The following MAST4 variants were observed in gnomAD, a reference collection of about 807,000 sequenced individuals.
MAST4 encodes microtubule associated serine/threonine kinase family member 4.
A neutral mutation model predicts 162.7 loss-of-function variants in MAST4; 89 were observed. The observed-to-expected ratio is 0.55, with a 90% CI of 0.46 to 0.65. The LOEUF (loss-of-function observed/expected upper bound fraction) is 0.65. MAST4 is among the 30% of genes least tolerant of loss of function. The pLI is 0.00. For missense variants in MAST4, 3,153 were observed against 3,374.0 expected, an observed-to-expected ratio of 0.93 and a Z score of 1.62; for synonymous variants, 1,479 against 1,361.1, an observed-to-expected ratio of 1.09 and a Z score of -1.91.
intron 4 of MAST4, among the ~76,000 whole-genome samples, chr5:66,939,875 A>T (rs1441725759): frequency 1.3e-5 from 2 of 152,022 alleles, no homozygotes; most frequent in African/African-American, 4.8e-5. Flanking sequence ...ACTGTAGTCT[A>T]TTAAGTGTGC....
chr5:67,026,699 A>C (rs1428469173), intron 4 of MAST4, among the ~76,000 whole-genome samples: 1 of 152,192 alleles, frequency 6.6e-6, no homozygotes, highest in Non-Finnish European at 1.5e-5. Flanking sequence ...GCTAATCAGC[A>C]TGAGACAGAA....
chr5:66,978,439 A>G (rs1748399193), intron 4 of MAST4, among the ~76,000 whole-genome samples: 1 of 152,208 alleles, frequency 6.6e-6, no homozygotes, highest in African/African-American at 2.4e-5. Flanking sequence ...TTGCTGTACT[A>G]ATGCTGTGGG....
chr5:66,824,421 C>T (rs1393762987), intron 3 of MAST4, among the ~76,000 whole-genome samples: 7 of 152,182 alleles, frequency 4.6e-5, no homozygotes, highest in African/African-American at 1.7e-4. Context: ...CACTGCCCTC[C>T]GACTTCAGCT....
intron 4 of MAST4, among the ~76,000 whole-genome samples, chr5:67,045,666 T>C (rs1757277686): frequency 6.6e-6 from 1 of 152,204 alleles, no homozygotes; most frequent in Non-Finnish European, 1.5e-5. Context: ...AGAGTTTCAT[T>C]GGGGCTAAGT....
chr5:67,105,320 T>C (rs953362179), intron 10 of MAST4, among the ~76,000 whole-genome samples: 3 of 152,364 alleles, frequency 2.0e-5, no homozygotes, highest in East Asian at 1.9e-4. Flanking sequence ...TAATTATAGA[T>C]AGTTTTCTCT....
intron 1 of MAST4, among the ~76,000 whole-genome samples, chr5:66,653,341 C>G (rs1746346465): frequency 6.6e-6 from 1 of 152,188 alleles, no homozygotes; most frequent in Non-Finnish European, 1.5e-5. Context: ...TTCTCTCTTT[C>G]CCTTGTCAGT....
intron 3 of MAST4, among the ~76,000 whole-genome samples, chr5:66,806,116 A>G (rs1390869740): frequency 2.0e-5 from 3 of 152,110 alleles, no homozygotes; most frequent in Non-Finnish European, 4.4e-5. Context: ...AACTATCTCT[A>G]CCCTGAGTTA....
At chr5:66,894,863 G>A (rs1762580992) in intron 3 of MAST4, among the ~76,000 whole-genome samples, 1 of 152,122 alleles carries the variant, frequency 6.6e-6, no homozygotes, top group Admixed American at 6.6e-5. Flanking sequence ...CTATACTAGT[G>A]AGGGAGCCAA....
At chr5:66,717,643 T>A (rs1283762313) in intron 1 of MAST4, among the ~76,000 whole-genome samples, 2 of 152,242 alleles carry the variant, frequency 1.3e-5, no homozygotes, top group Admixed American at 1.3e-4. Flanking sequence ...TGCTACTGTT[T>A]CCCTGGGGAG....
chr5:67,167,234 C>T lies in MAST4; in HGVS notation c.*183C>T, dbSNP rs1277080847. The T allele has an allele frequency of 1.0e-5, 2 of 200,030 alleles. No homozygotes were observed. The highest frequency in any genetic ancestry group is 3.4e-4 in the South Asian group (2 of 5,808). The allele number at this position is 200,030 out of a possible 1,614,324, so 12.4% of individuals were successfully genotyped here. A position where few individuals can be genotyped will look rare whatever the true frequency, so the allele number is the denominator to read the frequency against. ...TTCCAGATGCCTTCCCAGTTGTAAC[C>T]GGTAAAACTGTTACCAGATAGTGTT... is the stretch of plus-strand genomic sequence containing the variant. On this transcript the variant is annotated 3_prime_UTR_variant, in exon 29 of 29. Transcript: ENST00000403625.
At chr5:67,060,475 ATTTTTTT>A (rs71610552) in intron 5 of MAST4, among the ~76,000 whole-genome samples, 1 of 120,600 alleles carries the variant, frequency 8.3e-6, no homozygotes, top group Non-Finnish European at 1.7e-5. Flanking sequence ...GAGTATCACA[ATTTTTTT>A]TTTTTTTTTT....
chr5:67,059,651 A>C (rs1356657185), intron 5 of MAST4, among the ~76,000 whole-genome samples: 1 of 152,198 alleles, frequency 6.6e-6, no homozygotes, highest in Non-Finnish European at 1.5e-5. Flanking sequence ...CTGTGTCTTC[A>C]AAAGTTGTTT....
chr5:66,830,506 A>G (rs913001681), intron 3 of MAST4, among the ~76,000 whole-genome samples: 3 of 152,194 alleles, frequency 2.0e-5, no homozygotes, highest in Non-Finnish European at 2.9e-5. Context: ...TACTTAATAT[A>G]CTTTTTCTAC....
intron 1 of MAST4, among the ~76,000 whole-genome samples, chr5:66,685,215 A>C (rs1748568457): frequency 6.6e-6 from 1 of 152,036 alleles, no homozygotes; most frequent in Non-Finnish European, 1.5e-5. Flanking sequence ...GTGAGCTGAG[A>C]TCACACCACT....
chr5:67,165,606 C>G lies in MAST4; in HGVS notation c.6427C>G (p.Leu2143Val). The change falls in exon 29 of 29, where the codon CTG becomes GTG. Residue 2143 changes from leucine (L) to valine (V), a missense_variant. Physicochemically the swap from Leu to Val is conservative, Grantham distance 32. Coordinates refer to ENST00000403625, the MANE Select transcript of MAST4 (RefSeq NM_001164664.2). ...TCCGCCCCCTCTGACGGCCAAAGACCTGTCCAGCCCGGCTGCCAGGCAGCA... is the reference window on the plus strand; with the variant it reads ...TCCGCCCCCTCTGACGGCCAAAGACGTGTCCAGCCCGGCTGCCAGGCAGCA... ...IPPPPLTAKD[L>V]SSPAARQHCS... The G allele has an allele frequency of 2.5e-6, 4 of 1,613,686 alleles. No individual in the cohort carries two copies. The highest frequency in any genetic ancestry group is 3.4e-6 in the Non-Finnish European group (4 of 1,179,786).
rs1266266432 is a variant in MAST4, at chr5:67,133,553, T to G, written c.2133T>G (p.Asp711Glu). 1 of 1,613,300 alleles carries G rather than the reference T, an allele frequency of 6.2e-7. No homozygotes were observed. The highest frequency in any genetic ancestry group is 1.7e-5 in the Admixed American group (1 of 59,974). The change falls in exon 17 of 29, where the codon GAT (aspartate) becomes GAG (glutamate). Residue 711 changes from aspartate (D) to glutamate (E), a missense_variant. Around this residue, in one of 7 missense-constraint regions of MAST4, gnomAD observed 131 missense variants for 253.8 expected, o/e 0.52. Transcript: ENST00000403625. ...VTSMGHIKLT[D>E]FGLSKVGLMS... ...CCATGGGGCACATAAAGCTGACAGATTTTGGATTATCTAAGGTGGGACTAA... is the reference window on the plus strand; with the variant it reads ...CCATGGGGCACATAAAGCTGACAGAGTTTGGATTATCTAAGGTGGGACTAA...
chr5:66,699,007 G>A (rs4699889), intron 1 of MAST4, among the ~76,000 whole-genome samples: 15,477 of 152,180 alleles, frequency 0.1, 924 homozygotes, highest in Admixed American at 0.16. Flanking sequence ...GTATAAACCA[G>A]TTTATATCAT....
intron 4 of MAST4, among the ~76,000 whole-genome samples, chr5:66,953,101 GC>G (rs1744892004): frequency 6.6e-6 from 1 of 152,142 alleles, no homozygotes. Context: ...ACCTTTGCTG[GC>G]TTATGTGAGT....
At chr5:66,954,096 C>T (rs982530871) in intron 4 of MAST4, among the ~76,000 whole-genome samples, 6 of 152,112 alleles carry the variant, frequency 3.9e-5, no homozygotes, top group African/African-American at 1.4e-4. Flanking sequence ...ATATATATGT[C>T]TTCTCAGTCA....
Sources: gnomAD v4.1 joint callset for allele counts (sites outside exome capture counted in the v4.1 genomes callset) on GRCh38, gnomAD v4.1.1 for gene constraint, gnomAD v4.1.1 regional missense constraint, MANE v1.5 for transcripts, NCBI Gene and HGNC (gene_info 2026-07-23, HGNC 2026-07-21) for gene names.